Variants in WDR5 observed in about 807,000 individuals in gnomAD.
The protein encoded by WDR5 is WD repeat domain 5.
For synonymous variants in WDR5, 144 were observed against 161.6 expected, an observed-to-expected ratio of 0.89 and a Z score of 0.83; for missense variants, 187 against 416.9, an observed-to-expected ratio of 0.45 and a Z score of 4.80.
At chr9:134,156,304 G>C (rs1221092892) in intron 12 of WDR5, among the ~76,000 whole-genome samples, 1 of 152,224 alleles carries the variant, frequency 6.6e-6, no homozygotes, top group Non-Finnish European at 1.5e-5. Flanking sequence ...TGCTGGGATA[G>C]AGCAGGCGGG....
chr9:134,144,901 G>C (rs1185014845), intron 7 of WDR5, among the ~76,000 whole-genome samples: 1 of 151,978 alleles, frequency 6.6e-6, no homozygotes. Flanking sequence ...CCACCCCTGG[G>C]GTCAGCTGCC....
At chr9:134,148,155 AAAAC>A (rs1220339076) in intron 7 of WDR5, 129 bp from the exon 8 acceptor site, 43 of 741,886 alleles carry the variant, frequency 5.8e-5, no homozygotes, top group Middle Eastern at 3.8e-4. Context: ...ACTCTTTCTG[AAAAC>A]AAACAAACAA....
intron 9 of WDR5, among the ~76,000 whole-genome samples, chr9:134,153,348 A>C (rs1038543753): frequency 1.3e-5 from 2 of 152,154 alleles, no homozygotes; most frequent in Non-Finnish European, 2.9e-5. Flanking sequence ...GGGTCGCTGC[A>C]TAGCAGTTTT....
rs1266105101 is a variant in WDR5 at position 134,142,627 on chromosome 9, T to G, written c.445-9T>G. On this transcript the variant is annotated splice_polypyrimidine_tract_variant and intron_variant, in intron 6 of 13. Coordinates refer to ENST00000358625, the MANE Select transcript of WDR5 (RefSeq NM_017588.3). The stretch of plus-strand genomic sequence containing the variant: ...CCTGTAAAATCACTGTCATCTCTTT[T>G]GTGTTCAGTTTGACGAAAGCGTGAG... 3.7e-6 allele frequency: 6 copies of G among 1,614,188 alleles called. No homozygotes were observed. Among genetic ancestry groups the G allele is most frequent in the African/African-American group, 1.3e-5 (1 of 75,058 alleles).
intron 1 of WDR5, among the ~76,000 whole-genome samples, chr9:134,138,964 T>G (rs561725735): frequency 4.6e-5 from 7 of 152,332 alleles, no homozygotes; most frequent in Admixed American, 3.9e-4. Flanking sequence ...TTTTATGAGA[T>G]GTATTGAAGT....
intron 1 of WDR5, among the ~76,000 whole-genome samples, chr9:134,138,614 G>A (rs1027079002): frequency 6.6e-6 from 1 of 152,206 alleles, no homozygotes; most frequent in Non-Finnish European, 1.5e-5. Flanking sequence ...CCTAGATGCA[G>A]CGTGATCCAT....
chr9:134,155,248 A>G, intron 10 of WDR5, 92 bp from the exon 11 acceptor site: 2 of 1,419,854 alleles, frequency 1.4e-6, no homozygotes, highest in Admixed American at 2.6e-5. Context: ...CCTGGCGCTG[A>G]TGGTGGCTGT....
chr9:134,153,569 G>A (rs980818815), intron 9 of WDR5, among the ~76,000 whole-genome samples: 1 of 152,216 alleles, frequency 6.6e-6, no homozygotes, highest in African/African-American at 2.4e-5. Flanking sequence ...GTGTGCCCCT[G>A]AGGGAGGGAC....
Position 134,142,546 on chromosome 9 carries a change from G to A in WDR5, c.445-90G>A, listed in dbSNP as rs942711866. 3.0e-5 allele frequency: 47 copies of A among 1,556,642 alleles called. No individual in the cohort carries two copies. In the Admixed American group the frequency reaches 4.9e-4, roughly 16 times the overall value. On this transcript the variant is annotated intron_variant, in intron 6 of 13. Transcript: ENST00000358625. ...CTGAGTCCTTTCTGTGCTGTTTGTG[G>A]GGAGGATGGGCTGATAGCAGGTCTT...
intron 9 of WDR5, 104 bp from the exon 10 acceptor site, chr9:134,154,362 C>T (rs1832652411): frequency 1.7e-6 from 2 of 1,192,568 alleles, no homozygotes; most frequent in Non-Finnish European, 2.5e-6. Flanking sequence ...TGGTGGCCGA[C>T]CTCACTCAGA....
At position 134,148,346 on chromosome 9, in the gene WDR5, A is replaced by G; in HGVS notation, c.584+3A>G. On this transcript the variant is annotated splice_donor_region_variant and intron_variant, in intron 8 of 13. Coordinates refer to ENST00000358625, the MANE Select transcript of WDR5 (RefSeq NM_017588.3). ...TCAAGTAGCTATGATGGTCTCTGGTAAGTGAAAACATTTTACTTCATGAAG... is the reference window on the plus strand; with the variant it reads ...TCAAGTAGCTATGATGGTCTCTGGTGAGTGAAAACATTTTACTTCATGAAG... The G allele has an allele frequency of 6.2e-7, 1 of 1,612,934 alleles. No homozygotes were observed. The highest frequency in any genetic ancestry group is 8.5e-7 in the Non-Finnish European group (1 of 1,179,034).
At position 134,158,116 on chromosome 9, in the gene WDR5, C is replaced by T; in HGVS notation, c.*123C>T. 1.2e-6 allele frequency: 1 copy of T among 816,732 alleles called. No homozygotes were observed. The highest frequency in any genetic ancestry group is 2.0e-6 in the Non-Finnish European group (1 of 502,666). The allele number at this position is 816,732 out of a possible 1,614,324, so 50.6% of individuals were successfully genotyped here. On this transcript the variant is annotated 3_prime_UTR_variant, in exon 14 of 14. Transcript: ENST00000358625. Reference sequence around the variant, plus strand: ...GGGTCAGGACAGGGCCTGATTTGAGCCTCCTCTCTGAAGATGATTTGGCCG... The same window carrying T: ...GGGTCAGGACAGGGCCTGATTTGAGTCTCCTCTCTGAAGATGATTTGGCCG...
Position 134,159,469 on chromosome 9 carries a change from C to T in WDR5, c.*1476C>T, listed in dbSNP as rs985977860. ...CAGGGCCTGGAGTCCTGGATGAATC[C>T]TGCAGGTTTTTGGTTGCACCGGCCC... On this transcript the variant is annotated 3_prime_UTR_variant, in exon 14 of 14. Coordinates refer to ENST00000358625, the MANE Select transcript of WDR5 (RefSeq NM_017588.3). The surrounding 1 kb of genome is among the most constrained non-coding windows in gnomAD (Gnocchi z 4.3). 1 of 152,318 alleles carries T rather than the reference C, an allele frequency of 6.6e-6. No homozygotes were observed. Among genetic ancestry groups the T allele is most frequent in the African/African-American group, 2.4e-5 (1 of 41,428 alleles). The allele number at this position is 152,318 out of a possible 1,614,324, so 9.4% of individuals were successfully genotyped here. A position where few individuals can be genotyped will look rare whatever the true frequency, so the allele number is the denominator to read the frequency against.
intron 1 of WDR5, among the ~76,000 whole-genome samples, chr9:134,136,568 A>C (rs1437399708): frequency 1.3e-5 from 2 of 151,806 alleles, no homozygotes; most frequent in East Asian, 3.9e-4. Flanking sequence ...CAGACCCACC[A>C]AGCCACTCAG....
rs1831537034 is a variant in WDR5 at position 134,136,158 on chromosome 9, C to T, written c.-101C>T. On this transcript the variant is annotated 5_prime_UTR_variant, in exon 1 of 14. In the 5' UTR this introduces an upstream ATG that the reference lacks. Transcript: ENST00000358625. ...GCGCTCCCGCCCAGGCGGCGGCCGA[C>T]GCGACGCCCCGAGCGCCCGGCCCCG... 1 of 147,670 alleles carries T rather than the reference C, an allele frequency of 6.8e-6. No homozygotes were observed. Among genetic ancestry groups the T allele is most frequent in the Admixed American group, 6.7e-5 (1 of 14,886 alleles). The allele number at this position is 147,670 out of a possible 1,614,324, so 9.1% of individuals were successfully genotyped here.
At chr9:134,147,415 T>TG (rs1409299189) in intron 7 of WDR5, among the ~76,000 whole-genome samples, 3 of 152,188 alleles carry the variant, frequency 2.0e-5, no homozygotes, top group African/African-American at 7.2e-5. Flanking sequence ...GATTTGCCTC[T>TG]GGGGACACAT....
chr9:134,145,550 C>G (rs1170560252), intron 7 of WDR5, among the ~76,000 whole-genome samples: 1 of 152,230 alleles, frequency 6.6e-6, no homozygotes, highest in African/African-American at 2.4e-5. Context: ...ATCCTGTTTG[C>G]ATCTGTGGCC....
At chr9:134,152,165 TC>T in intron 9 of WDR5, 136 bp downstream of exon 9, 1 of 1,015,206 alleles carries the variant, frequency 9.9e-7, no homozygotes, top group Non-Finnish European at 1.4e-6. Context: ...TTCCTCCGTG[TC>T]CGACCGTTCC....
intron 3 of WDR5, 79 bp downstream of exon 3, chr9:134,140,890 C>T (rs1831851096): frequency 6.6e-6 from 9 of 1,362,106 alleles, no homozygotes; most frequent in Non-Finnish European, 9.4e-6. Flanking sequence ...GGATGGCTTG[C>T]TTCCTCACCT....
Sources: allele counts gnomAD v4.1 joint callset (sites outside exome capture counted in the v4.1 genomes callset), GRCh38; gene constraint gnomAD v4.1.1; non-coding constraint Gnocchi (gnomAD v3.1); transcripts MANE v1.5; gene names NCBI Gene and HGNC (gene_info 2026-07-23, HGNC 2026-07-21).